Variants in RNF180 observed in about 807,000 individuals in gnomAD.
RNF180 encodes the protein ring finger protein 180, also known as E3 ubiquitin-protein ligase RNF180.
A neutral mutation model predicts 59.2 loss-of-function variants in RNF180; 38 were observed. The observed-to-expected ratio is 0.64, with a 90% CI of 0.50 to 0.84. The LOEUF is 0.84. Ranked by LOEUF, RNF180 falls within the 40% of genes least tolerant of loss-of-function variation. The pLI, the probability that RNF180 is intolerant of heterozygous loss-of-function variation, is 0.00. For missense variants in RNF180, 705 were observed against 700.9 expected, an observed-to-expected ratio of 1.01 and a Z score of -0.07; for synonymous variants, 262 against 240.3, an observed-to-expected ratio of 1.09 and a Z score of -0.84.
At chr5:64,217,053 T>C (rs1021405273) in intron 4 of RNF180, among the ~76,000 whole-genome samples, 2 of 152,204 alleles carry the variant, frequency 1.3e-5, no homozygotes, top group Non-Finnish European at 2.9e-5. Context: ...ATTTTAGTTT[T>C]GTCTTTTTGA....
At chr5:64,317,571 T>TATATACATAC in intron 5 of RNF180, among the ~76,000 whole-genome samples, 1 of 146,180 alleles carries the variant, frequency 6.8e-6, no homozygotes, top group East Asian at 2.0e-4. Flanking sequence ...CACATACATA[T>TATATACATAC]ATATACACAT....
chr5:64,254,998 T>G (rs1211691763), intron 5 of RNF180, among the ~76,000 whole-genome samples: 1 of 152,114 alleles, frequency 6.6e-6, no homozygotes, highest in African/African-American at 2.4e-5. Context: ...CACAAGCAAA[T>G]CACATTCTCC....
At chr5:64,197,145 A>G (rs899612639) in intron 1 of RNF180, among the ~76,000 whole-genome samples, 1 of 152,214 alleles carries the variant, frequency 6.6e-6, no homozygotes, top group Non-Finnish European at 1.5e-5. Context: ...AAGAAATGCA[A>G]CTTCGTTATG....
intron 5 of RNF180, among the ~76,000 whole-genome samples, chr5:64,292,203 A>G (rs1431679870): frequency 6.6e-6 from 1 of 152,114 alleles, no homozygotes; most frequent in African/African-American, 2.4e-5. Context: ...TGGAGTAGAA[A>G]AGGCACTCTG....
At position 64,296,123 on chromosome 5, in the gene RNF180, G is replaced by C. The variant is rs534511395; in HGVS notation, c.1228-29063G>C. Among the ~76,000 whole-genome samples the C allele has an allele frequency of 1.5e-3, 224 of 152,230 alleles. 1 individual carries two copies. Among genetic ancestry groups the C allele is most frequent in the African/African-American group, 5.2e-3 (215 of 41,538 alleles). On this transcript the variant is annotated intron_variant, in intron 5 of 7. Transcript: ENST00000389100. The stretch of plus-strand genomic sequence containing the variant: ...CAGGCTACTTCAGACAACTATGACA[G>C]GGACTTGAAAATGGACAGTAGACTT...
intron 5 of RNF180, among the ~76,000 whole-genome samples, chr5:64,237,259 T>A (rs927961463): frequency 4.6e-5 from 7 of 152,230 alleles, no homozygotes; most frequent in African/African-American, 1.7e-4. Context: ...TGCATCAGCA[T>A]GCCCTGTATG....
intron 5 of RNF180, among the ~76,000 whole-genome samples, chr5:64,269,753 A>G (rs1164848661): frequency 2.0e-5 from 3 of 152,174 alleles, no homozygotes; most frequent in Admixed American, 2.0e-4. Context: ...TTTTGAAGTA[A>G]AGCTGATTTT....
At chr5:64,327,038 A>C (rs893317354) in intron 6 of RNF180, among the ~76,000 whole-genome samples, 2 of 152,082 alleles carry the variant, frequency 1.3e-5, no homozygotes, top group African/African-American at 2.4e-5. Flanking sequence ...GGTAGGTTGT[A>C]TGTGTCTAGG....
intron 5 of RNF180, among the ~76,000 whole-genome samples, chr5:64,289,102 G>C (rs1045807369): frequency 1.3e-5 from 2 of 152,066 alleles, no homozygotes; most frequent in African/African-American, 2.4e-5. Flanking sequence ...TAACATAAAG[G>C]GATGTTGAAT....
rs182200825 is a variant in RNF180 at position 64,188,769 on chromosome 5, G to A, written c.1-12039G>A. The stretch of plus-strand genomic sequence containing the variant: ...GCAGGAAGTATAACAGAAAAGACAC[G>A]TAATAAACATGAGCATTCTAATAAT... On this transcript the variant is annotated intron_variant, in intron 1 of 7. Coordinates refer to ENST00000389100, the MANE Select transcript of RNF180 (RefSeq NM_001113561.2). Among the ~76,000 whole-genome samples the A allele has an allele frequency of 1.5e-3, 221 of 152,194 alleles. 1 individual carries two copies. Among genetic ancestry groups the A allele is most frequent in the African/African-American group, 5.1e-3 (210 of 41,550 alleles).
At chr5:64,345,706 CATT>C (rs1273457013) in intron 7 of RNF180, among the ~76,000 whole-genome samples, 5 of 152,138 alleles carry the variant, frequency 3.3e-5, no homozygotes, top group Non-Finnish European at 5.9e-5. Flanking sequence ...AAAAGGAACA[CATT>C]ATAAACAATT....
intron 7 of RNF180, among the ~76,000 whole-genome samples, chr5:64,368,102 C>G (rs1024388932): frequency 1.3e-5 from 2 of 151,636 alleles, no homozygotes; most frequent in African/African-American, 4.8e-5. Flanking sequence ...AATAAGTAGA[C>G]TATAGTTGAC....
chr5:64,323,195 A>G (rs1381466861), intron 5 of RNF180, among the ~76,000 whole-genome samples: 1 of 152,154 alleles, frequency 6.6e-6, no homozygotes, highest in African/African-American at 2.4e-5. Context: ...GAGATTACAG[A>G]TACTGAACTT....
intron 5 of RNF180, among the ~76,000 whole-genome samples, chr5:64,299,579 C>T (rs1743058956): frequency 6.6e-6 from 1 of 151,966 alleles, no homozygotes; most frequent in African/African-American, 2.4e-5. Flanking sequence ...GCCTCTGAGA[C>T]TGATTCTTAA....
intron 7 of RNF180, among the ~76,000 whole-genome samples, chr5:64,363,445 G>T (rs540997218): frequency 6.6e-6 from 1 of 151,100 alleles, no homozygotes; most frequent in South Asian, 2.1e-4. Context: ...CTGTTCCATT[G>T]ATCGCTATTT....
chr5:64,212,283 A>T (rs1475352881), intron 3 of RNF180, 123 bp downstream of exon 3: 1 of 635,312 alleles, frequency 1.6e-6, no homozygotes, highest in Non-Finnish European at 2.9e-6. Flanking sequence ...CCTCACTCCC[A>T]TTACCTCTCT....
intron 2 of RNF180, among the ~76,000 whole-genome samples, chr5:64,206,800 G>T (rs979039154): frequency 2.0e-5 from 3 of 152,148 alleles, no homozygotes; most frequent in Admixed American, 1.3e-4. Context: ...ATCCTGTGAG[G>T]ACACAGTGAG....
intron 5 of RNF180, among the ~76,000 whole-genome samples, chr5:64,234,383 G>A (rs902354849): frequency 9.2e-5 from 14 of 151,762 alleles, no homozygotes; most frequent in African/African-American, 3.1e-4. Flanking sequence ...GGAGAATCGC[G>A]TGAACCCGGG....
At chr5:64,243,787 C>T (rs1742975590) in intron 5 of RNF180, among the ~76,000 whole-genome samples, 1 of 152,138 alleles carries the variant, frequency 6.6e-6, no homozygotes, top group Non-Finnish European at 1.5e-5. Flanking sequence ...CCCCGAGTCT[C>T]CTGACTGGGA....
Sources: allele counts gnomAD v4.1 joint callset (sites outside exome capture counted in the v4.1 genomes callset), GRCh38; gene constraint gnomAD v4.1.1; transcripts MANE v1.5; gene names NCBI Gene and HGNC (gene_info 2026-07-23, HGNC 2026-07-21).